Variants in LRRTM4 observed in about 807,000 individuals in gnomAD.
LRRTM4 encodes the protein leucine rich repeat transmembrane neuronal 4.
LRRTM4 carries 25 observed loss-of-function variants against 47.6 expected under a neutral mutation model. The ratio of observed to expected loss-of-function variants is 0.53; its 90% CI spans 0.38 to 0.73. The LOEUF is 0.73. Ranked by LOEUF, LRRTM4 falls within the 30% of genes least tolerant of loss-of-function variation. The pLI is 0.00. For missense variants in LRRTM4, 638 were observed against 713.4 expected, an observed-to-expected ratio of 0.89 and a Z score of 1.20; for synonymous variants, 311 against 269.5, an observed-to-expected ratio of 1.15 and a Z score of -1.51.
chr2:76,942,702 G>T (rs1234630144), intron 3 of LRRTM4, among the ~76,000 whole-genome samples: 1 of 151,644 alleles, frequency 6.6e-6, no homozygotes, highest in South Asian at 2.1e-4. Context: ...GTGTGTGTGT[G>T]TGTTTAAATC....
intron 3 of LRRTM4, among the ~76,000 whole-genome samples, chr2:76,951,289 A>G (rs910613863): frequency 6.6e-6 from 1 of 152,050 alleles, no homozygotes; most frequent in Admixed American, 6.6e-5. Context: ...TGAAAGACGT[A>G]TAATGATTAG....
chr2:77,061,105 G>GT (rs36044505), intron 3 of LRRTM4, among the ~76,000 whole-genome samples: 4,027 of 145,806 alleles, frequency 0.028, 107 homozygotes, highest in African/African-American at 0.068. Flanking sequence ...AGCCATTAGA[G>GT]TTTTTTTTTT....
chr2:77,341,698 G>C (rs570710638), intron 3 of LRRTM4, among the ~76,000 whole-genome samples: 1 of 151,994 alleles, frequency 6.6e-6, no homozygotes, highest in South Asian at 2.1e-4. Context: ...GACTTCTATG[G>C]TAAAATAATT....
intron 3 of LRRTM4, among the ~76,000 whole-genome samples, chr2:77,177,971 A>G (rs1673245175): frequency 6.6e-6 from 1 of 152,108 alleles, no homozygotes; most frequent in African/African-American, 2.4e-5. Flanking sequence ...TCCAAAGGAG[A>G]GATATTCTTT....
At chr2:77,185,942 T>C (rs184729905) in intron 3 of LRRTM4, among the ~76,000 whole-genome samples, 115 of 152,244 alleles carry the variant, frequency 7.6e-4, no homozygotes, top group African/African-American at 2.7e-3. Flanking sequence ...TTATGTGAGA[T>C]TATGTTTGTG....
At chr2:77,067,052 A>G (rs1376224636) in intron 3 of LRRTM4, among the ~76,000 whole-genome samples, 1 of 152,212 alleles carries the variant, frequency 6.6e-6, no homozygotes, top group Non-Finnish European at 1.5e-5. Context: ...CGTTAGAATT[A>G]AAGTATAGCA....
chr2:76,795,588 C>T lies in LRRTM4; in HGVS notation c.1552-46672G>A, dbSNP rs539631120. ...ACATGTGCATATATATGCACACACA[C>T]ACATACACACACACTACATTTTCTT... is the stretch of plus-strand genomic sequence containing the variant. On this transcript the variant is annotated intron_variant, in intron 3 of 3. Transcript: ENST00000409884. 2.6e-4 allele frequency among the ~76,000 whole-genome samples: 18 copies of T among 69,482 alleles called. No individual in the cohort carries two copies. The South Asian group carries it at 4.8e-3, about 19-fold the overall frequency. The allele number at this position is 69,482 out of a possible 152,430, so 45.6% of individuals were successfully genotyped here. A position where few individuals can be genotyped will look rare whatever the true frequency, so the allele number is the denominator to read the frequency against.
At chr2:76,964,824 G>T (rs1196039372) in intron 3 of LRRTM4, among the ~76,000 whole-genome samples, 1 of 148,204 alleles carries the variant, frequency 6.7e-6, no homozygotes. Context: ...AGAGATAGAA[G>T]ACAAAAATTA....
At chr2:77,490,895 G>GA (rs918195542) in intron 3 of LRRTM4, among the ~76,000 whole-genome samples, 4 of 150,730 alleles carry the variant, frequency 2.7e-5, no homozygotes, top group East Asian at 1.9e-4. Context: ...CAAAGAAAAA[G>GA]AAAAAAAAGC....
chr2:77,521,852 A>T (rs397871187), intron 1 of LRRTM4, 34 bp from the exon 2 acceptor site: 15 of 394,828 alleles, frequency 3.8e-5, no homozygotes, highest in Non-Finnish European at 4.8e-5. Flanking sequence ...AAAAAAAAAA[A>T]AAATACATAT....
intron 3 of LRRTM4, among the ~76,000 whole-genome samples, chr2:76,880,373 T>C (rs1672895689): frequency 6.6e-6 from 1 of 152,164 alleles, no homozygotes; most frequent in Non-Finnish European, 1.5e-5. Context: ...AGCTAAAAGA[T>C]TATGAATCAC....
intron 3 of LRRTM4, among the ~76,000 whole-genome samples, chr2:76,832,317 G>T (rs143266125): frequency 6.6e-6 from 1 of 152,078 alleles, no homozygotes; most frequent in East Asian, 1.9e-4. Context: ...CATGTATTCA[G>T]ATTGATTAAA....
At chr2:76,962,960 G>T (rs964766333) in intron 3 of LRRTM4, among the ~76,000 whole-genome samples, 5 of 150,490 alleles carry the variant, frequency 3.3e-5, no homozygotes, top group African/African-American at 1.2e-4. Flanking sequence ...TGCACCATCA[G>T]ATCAGTCTCA....
chr2:77,262,159 GA>G (rs1469878848), intron 3 of LRRTM4, among the ~76,000 whole-genome samples: 1 of 152,074 alleles, frequency 6.6e-6, no homozygotes, highest in Non-Finnish European at 1.5e-5. Flanking sequence ...TCTAGTTGCA[GA>G]AAGACAAGTT....
In LRRTM4 at chr2:77,342,294, G is replaced by A. The variant is rs141108564; in HGVS notation, c.1551+176024C>T. ...CCTGAGAGGATATTTGGCAATGGCT[G>A]GAGATATTTTGGGTTATTACAACTG... On this transcript the variant is annotated intron_variant, in intron 3 of 3. Coordinates refer to ENST00000409884, the MANE Select transcript of LRRTM4 (RefSeq NM_001134745.3). 2.1e-3 allele frequency among the ~76,000 whole-genome samples: 326 copies of A among 152,026 alleles called. 1 individual carries two copies. Among genetic ancestry groups the A allele is most frequent in the African/African-American group, 7.4e-3 (307 of 41,518 alleles).
intron 3 of LRRTM4, among the ~76,000 whole-genome samples, chr2:77,010,748 AGAT>A (rs553329484): frequency 6.6e-6 from 1 of 152,156 alleles, no homozygotes; most frequent in Non-Finnish European, 1.5e-5. Flanking sequence ...GCTGATACTT[AGAT>A]GATACTTGGA....
At chr2:77,149,086 A>G (rs979424932) in intron 3 of LRRTM4, among the ~76,000 whole-genome samples, 3 of 152,190 alleles carry the variant, frequency 2.0e-5, no homozygotes, top group Non-Finnish European at 4.4e-5. Context: ...CAAGACCTGT[A>G]TTAGTAAGTA....
At chr2:76,915,630 C>T (rs1674217248) in intron 3 of LRRTM4, among the ~76,000 whole-genome samples, 1 of 152,048 alleles carries the variant, frequency 6.6e-6, no homozygotes, top group African/African-American at 2.4e-5. Context: ...AAGAGTCACC[C>T]AGTTACCTTA....
intron 3 of LRRTM4, among the ~76,000 whole-genome samples, chr2:77,061,525 G>A (rs547062025): frequency 6.6e-6 from 1 of 152,260 alleles, no homozygotes; most frequent in Non-Finnish European, 1.5e-5. Context: ...ATCAATCTTA[G>A]GGGTCATGAC....
Sources: allele counts gnomAD v4.1 joint callset (sites outside exome capture counted in the v4.1 genomes callset), GRCh38; gene constraint gnomAD v4.1.1; transcripts MANE v1.5; gene names NCBI Gene and HGNC (gene_info 2026-07-23, HGNC 2026-07-21).